The following KLHL28 variants were observed in gnomAD, a reference collection of about 807,000 sequenced individuals.
KLHL28 encodes the protein kelch like family member 28, also known as kelch-like protein 28.
In KLHL28, 22 loss-of-function variants were observed where a neutral mutation model predicts 48.3. That is an observed-to-expected ratio of 0.46 (90% CI 0.33 to 0.65). The LOEUF (loss-of-function observed/expected upper bound fraction) is 0.65. KLHL28 is among the 30% of genes least tolerant of loss of function. KLHL28 has a pLI of 0.03. For missense variants in KLHL28, 527 were observed against 704.3 expected, an observed-to-expected ratio of 0.75 and a Z score of 2.85; for synonymous variants, 243 against 242.4, an observed-to-expected ratio of 1.00 and a Z score of -0.02.
In KLHL28 at chr14:44,934,403, T is replaced by C; in HGVS notation, c.1055A>G (p.His352Arg). The C allele has an allele frequency of 6.2e-7, 1 of 1,614,176 alleles. No homozygotes were observed. The highest frequency in any genetic ancestry group is 8.5e-7 in the Non-Finnish European group (1 of 1,180,022). The stretch of plus-strand genomic sequence containing the variant: ...ATTCCAGCATTCCACTGAATTTTCA[T>C]GTTTTCTGATAGTGACGCCAGGACG... ...NVRPGVTIRK[H>R]ENSVECWNPD... is the part of the protein sequence containing the mutation. The change falls in exon 3 of 5, where the codon CAT becomes CGT. Residue 352 changes from histidine to arginine, a missense_variant. By Grantham distance (29) the His-to-Arg change is conservative (BLOSUM62 0). Coordinates refer to ENST00000396128, the MANE Select transcript of KLHL28 (RefSeq NM_017658.5).
chr14:44,945,315 C>T lies in KLHL28; in HGVS notation c.614G>A (p.Trp205Ter). ...GCGTTCTTGTACATCATACTTGATCCAAGACTCTAATGCATAAAAAACAGT... is the reference window on the plus strand; with the variant it reads ...GCGTTCTTGTACATCATACTTGATCTAAGACTCTAATGCATAAAAAACAGT... ...EETVFYALES[W>*]IKYDVQERQK... Residue 205 changes from tryptophan to a stop codon, truncating the protein, a stop_gained, in exon 2 of 5, where the codon TGG (tryptophan) becomes TAG (stop). Coordinates refer to ENST00000396128, the MANE Select transcript of KLHL28 (RefSeq NM_017658.5). LOFTEE classifies it high-confidence loss of function. The T allele has an allele frequency of 6.2e-7, 1 of 1,614,078 alleles. No individual in the cohort carries two copies. The highest frequency in any genetic ancestry group is 8.5e-7 in the Non-Finnish European group (1 of 1,180,002).
intron 1 of KLHL28, among the ~76,000 whole-genome samples, chr14:44,948,739 C>A (rs1489102111): frequency 6.6e-6 from 1 of 152,058 alleles, no homozygotes; most frequent in Non-Finnish European, 1.5e-5. Context: ...CTTGCTATCT[C>A]CCAAATATTT....
chr14:44,936,566 T>C (rs892828589), intron 2 of KLHL28, among the ~76,000 whole-genome samples: 1 of 152,056 alleles, frequency 6.6e-6, no homozygotes, highest in African/African-American at 2.4e-5. Context: ...GAGCAGAAGG[T>C]GTCAGACATG....
At chr14:44,955,945 T>A (rs1263748726) in intron 1 of KLHL28, among the ~76,000 whole-genome samples, 1 of 152,066 alleles carries the variant, frequency 6.6e-6, no homozygotes, top group Admixed American at 6.5e-5. Context: ...TTAAACGATA[T>A]CAGATATTTT....
At chr14:44,958,077 T>C (rs1884868272) in intron 1 of KLHL28, among the ~76,000 whole-genome samples, 1 of 137,564 alleles carries the variant, frequency 7.3e-6, no homozygotes, top group South Asian at 2.2e-4. Context: ...TTTTTGTTCT[T>C]TTTTTTTTTT....
At chr14:44,943,191 C>A (rs1402691966) in intron 2 of KLHL28, among the ~76,000 whole-genome samples, 1 of 152,080 alleles carries the variant, frequency 6.6e-6, no homozygotes, top group East Asian at 1.9e-4. Flanking sequence ...AATTTTTACA[C>A]TATAAATACA....
At position 44,945,627 on chromosome 14, in the gene KLHL28, G is replaced by A; in HGVS notation, c.302C>T (p.Ser101Phe). The A allele has an allele frequency of 1.2e-6, 2 of 1,614,158 alleles. No individual in the cohort carries two copies. Among genetic ancestry groups the A allele is most frequent in the Non-Finnish European group, 1.7e-6 (2 of 1,180,030 alleles). The change falls in exon 2 of 5, where the codon TCT becomes TTT. Residue 101 changes from serine (S) to phenylalanine (F), a missense_variant. Physicochemically the swap from Ser to Phe is radical, Grantham distance 155. Transcript: ENST00000396128. ...CAGGAGAGATTCAACTGTGTCCTGA[G>A]AAATAAAAACAGTCCCTGTATAGGC... is the stretch of plus-strand genomic sequence containing the variant. ...EYAYTGTVFI[S>F]QDTVESLLPA...
Position 44,945,453 on chromosome 14 carries a change from T to G in KLHL28, c.476A>C (p.Tyr159Ser). ...CRDLYLAATK[Y>S]ICQNFEAVCQ... ...AACAGCTTCAAAATTCTGGCATATG[T>G]ATTTAGTGGCTGCCAAATAAAGGTC... Residue 159 changes from tyrosine (Y) to serine (S), a missense_variant, in exon 2 of 5, where the codon TAC (tyrosine) becomes TCC (serine). Coordinates refer to ENST00000396128, the MANE Select transcript of KLHL28 (RefSeq NM_017658.5). 6.2e-7 allele frequency: 1 copy of G among 1,614,200 alleles called. No homozygotes were observed. Among genetic ancestry groups the G allele is most frequent in the East Asian group, 2.2e-5 (1 of 44,892 alleles).
intron 4 of KLHL28, among the ~76,000 whole-genome samples, chr14:44,930,555 C>G (rs754152977): frequency 6.6e-6 from 1 of 152,178 alleles, no homozygotes; most frequent in African/African-American, 2.4e-5. Context: ...TGAGCCACAC[C>G]GTGCCTGGCC....
intron 1 of KLHL28, among the ~76,000 whole-genome samples, chr14:44,953,279 C>A (rs1367618374): frequency 6.6e-6 from 1 of 152,026 alleles, no homozygotes; most frequent in Non-Finnish European, 1.5e-5. Context: ...CTGCTACATA[C>A]CTACACCAAC....
At chr14:44,949,458 A>G (rs1884481713) in intron 1 of KLHL28, among the ~76,000 whole-genome samples, 1 of 152,104 alleles carries the variant, frequency 6.6e-6, no homozygotes. Flanking sequence ...GAACAAAACT[A>G]AAAAAATATA....
At chr14:44,955,657 A>G (rs10142624) in intron 1 of KLHL28, among the ~76,000 whole-genome samples, 7,734 of 152,246 alleles carry the variant, frequency 0.051, 646 homozygotes, top group African/African-American at 0.18. Context: ...GTGGTGGCAC[A>G]TGCCTGTAGT....
Position 44,928,240 on chromosome 14 carries a change from C to A in KLHL28, c.*788G>T, listed in dbSNP as rs886888408. 6.6e-6 allele frequency: 1 copy of A among 152,204 alleles called. No individual in the cohort carries two copies. The highest frequency in any genetic ancestry group is 6.6e-5 in the Admixed American group (1 of 15,258). 9.4% of individuals were successfully genotyped at this position (152,204 alleles called of 1,614,324 possible). A position where few individuals can be genotyped will look rare whatever the true frequency, so the allele number is the denominator to read the frequency against. On this transcript the variant is annotated 3_prime_UTR_variant, in exon 5 of 5. Coordinates refer to ENST00000396128, the MANE Select transcript of KLHL28 (RefSeq NM_017658.5). ...ATTTACATCAGCACTGGGAGGCCTG[C>A]TGTACTACTGAAGAAAAACTGAAAC...
chr14:44,946,130 T>C (rs1307925954), intron 1 of KLHL28, among the ~76,000 whole-genome samples: 4 of 152,192 alleles, frequency 2.6e-5, no homozygotes, highest in East Asian at 1.9e-4. Context: ...TTATTTATTA[T>C]AGATATTAGG....
chr14:44,959,720 T>C (rs1884951512), intron 1 of KLHL28, among the ~76,000 whole-genome samples: 1 of 152,158 alleles, frequency 6.6e-6, no homozygotes, highest in African/African-American at 2.4e-5. Flanking sequence ...AATTTTAAAC[T>C]TGTTTTAGCT....
At chr14:44,946,696 C>T (rs565196120) in intron 1 of KLHL28, among the ~76,000 whole-genome samples, 2 of 152,038 alleles carry the variant, frequency 1.3e-5, no homozygotes, top group South Asian at 2.1e-4. Flanking sequence ...GCTGGGATTA[C>T]AGGCACCTGC....
intron 1 of KLHL28, among the ~76,000 whole-genome samples, chr14:44,960,669 G>T (rs1011290734): frequency 6.6e-6 from 1 of 151,948 alleles, no homozygotes; most frequent in African/African-American, 2.4e-5. Flanking sequence ...AACATAGGAT[G>T]TATATTTACA....
intron 2 of KLHL28, among the ~76,000 whole-genome samples, chr14:44,941,747 C>A (rs1884105415): frequency 6.6e-6 from 1 of 151,962 alleles, no homozygotes; most frequent in South Asian, 2.1e-4. Flanking sequence ...CTTTCCAGTG[C>A]ATTTTACATA....
intron 2 of KLHL28, among the ~76,000 whole-genome samples, chr14:44,940,644 T>A (rs1375575505): frequency 6.6e-6 from 1 of 152,184 alleles, no homozygotes; most frequent in African/African-American, 2.4e-5. Flanking sequence ...TTTTAAACCC[T>A]TGCTTTCAAC....
Sources: gnomAD v4.1 joint callset for allele counts (sites outside exome capture counted in the v4.1 genomes callset) on GRCh38, gnomAD v4.1.1 for gene constraint, MANE v1.5 for transcripts, NCBI Gene and HGNC (gene_info 2026-07-23, HGNC 2026-07-21) for gene names.